The following SYNPR variants were observed in gnomAD, a reference collection of about 807,000 sequenced individuals.
The protein encoded by SYNPR is synaptoporin.
Under a neutral mutation model 32.9 loss-of-function variants are expected in SYNPR, and 23 were observed. That is an observed-to-expected ratio of 0.70 (90% CI 0.50 to 0.99). The LOEUF (loss-of-function observed/expected upper bound fraction) is 0.99. Ranked by LOEUF, SYNPR falls within the 50% of genes least tolerant of loss-of-function variation. The pLI is 0.00. For synonymous variants in SYNPR, 146 were observed against 135.9 expected (o/e 1.07, Z -0.52); for missense variants, 318 against 349.3 (o/e 0.91, Z 0.71).
chr3:63,219,299 A>G, the SYNPR span, among the ~76,000 whole-genome samples: 1 of 152,298 alleles, frequency 6.6e-6, no homozygotes, highest in South Asian at 2.1e-4. Context: ...CGTCCAAGAA[A>G]CGGAAAGTTG....
chr3:63,531,648 A>G (rs989008323), intron 3 of SYNPR, among the ~76,000 whole-genome samples: 1 of 152,168 alleles, frequency 6.6e-6, no homozygotes, highest in African/African-American at 2.4e-5. Context: ...TCAGTCCGCA[A>G]CAGCCAATAT....
At chr3:63,538,208 A>G (rs1702241643) in intron 3 of SYNPR, among the ~76,000 whole-genome samples, 1 of 152,112 alleles carries the variant, frequency 6.6e-6, no homozygotes, top group Non-Finnish European at 1.5e-5. Context: ...GCATCCTACT[A>G]GAGATAAGAA....
intron 2 of SYNPR, among the ~76,000 whole-genome samples, chr3:63,257,467 TA>T (rs1297898860): frequency 3.9e-5 from 6 of 152,186 alleles, no homozygotes; most frequent in Non-Finnish European, 8.8e-5. Flanking sequence ...CCAGCCAAAC[TA>T]AACTTCATAA....
chr3:63,442,719 G>A (rs563600939), intron 2 of SYNPR, among the ~76,000 whole-genome samples: 1 of 152,252 alleles, frequency 6.6e-6, no homozygotes, highest in East Asian at 1.9e-4. Context: ...CAACCAAGTT[G>A]TAATCTGTCC....
intron 2 of SYNPR, among the ~76,000 whole-genome samples, chr3:63,334,299 C>T (rs1235321027): frequency 6.6e-5 from 10 of 152,108 alleles, no homozygotes. Flanking sequence ...GAAGGTCAAC[C>T]TTGGTGGCTT....
intron 2 of SYNPR, among the ~76,000 whole-genome samples, chr3:63,435,879 C>G (rs1479533540): frequency 5.3e-5 from 8 of 152,172 alleles, no homozygotes; most frequent in Non-Finnish European, 1.0e-4. Context: ...TATGTATTCA[C>G]TCATGTAACA....
chr3:63,329,230 T>C (rs1041441558), intron 2 of SYNPR, among the ~76,000 whole-genome samples: 15 of 152,224 alleles, frequency 9.9e-5, no homozygotes, highest in Admixed American at 7.9e-4. Flanking sequence ...GAGTTTATTA[T>C]GTATCAGTCA....
chr3:63,557,924 A>G (rs865972290), intron 4 of SYNPR, among the ~76,000 whole-genome samples: 3 of 152,352 alleles, frequency 2.0e-5, no homozygotes, highest in Middle Eastern at 3.4e-3. Flanking sequence ...ACTCATGTTG[A>G]AAGTTGGTCT....
intron 4 of SYNPR, among the ~76,000 whole-genome samples, chr3:63,568,933 C>A (rs1702839605): frequency 6.6e-6 from 1 of 152,122 alleles, no homozygotes; most frequent in Admixed American, 6.6e-5. Flanking sequence ...TTATAAGCAC[C>A]TATGCATCAA....
At chr3:63,225,860 A>T (rs1227992766), upstream of SYNPR, among the ~76,000 whole-genome samples, 1 of 152,182 alleles carries the variant, frequency 6.6e-6, no homozygotes, top group Non-Finnish European at 1.5e-5. Flanking sequence ...TGACAGAGTG[A>T]AGAGACAACT....
chr3:63,280,725 GGT>G (rs144039056), intron 2 of SYNPR, among the ~76,000 whole-genome samples: 10,707 of 149,844 alleles, frequency 0.071, 398 homozygotes, highest in Middle Eastern at 0.1. Flanking sequence ...TTGGGGGAGG[GGT>G]GTGTGTGTGT....
At chr3:63,386,603 A>ACTTACTTC (rs1553875005) in intron 2 of SYNPR, among the ~76,000 whole-genome samples, 3 of 149,986 alleles carry the variant, frequency 2.0e-5, no homozygotes, top group African/African-American at 7.5e-5. Flanking sequence ...GATTATATTT[A>ACTTACTTC]CTTCCTTCCT....
intron 3 of SYNPR, among the ~76,000 whole-genome samples, chr3:63,517,800 C>T (rs1477436489): frequency 6.6e-6 from 1 of 152,172 alleles, no homozygotes; most frequent in Non-Finnish European, 1.5e-5. Context: ...CAACTCAGGG[C>T]TCCAGTTTAG....
chr3:63,476,155 G>GGAAAGA (rs1559510443), intron 2 of SYNPR, among the ~76,000 whole-genome samples: 1 of 34,120 alleles, frequency 2.9e-5, no homozygotes, highest in African/African-American at 1.2e-4. Context: ...GGAAGGGAGG[G>GGAAAGA]AGGGAGGGAG....
chr3:63,269,759 T>G (rs906447030), intron 3 of SYNPR, among the ~76,000 whole-genome samples: 1 of 152,236 alleles, frequency 6.6e-6, no homozygotes, highest in Non-Finnish European at 1.5e-5. Flanking sequence ...AAACTGAGTT[T>G]GTTGCATTCT....
At chr3:63,508,056 T>C (rs1234010964) in intron 3 of SYNPR, among the ~76,000 whole-genome samples, 1 of 152,146 alleles carries the variant, frequency 6.6e-6, no homozygotes, top group African/African-American at 2.4e-5. Flanking sequence ...TCGTCAACAT[T>C]CTTTTGTACT....
intron 1 of SYNPR, among the ~76,000 whole-genome samples, chr3:63,235,704 T>C (rs950031134): frequency 2.6e-5 from 4 of 152,174 alleles, no homozygotes; most frequent in Non-Finnish European, 5.9e-5. Flanking sequence ...TAGCGACCAC[T>C]TATTTGGTCT....
At chr3:63,560,969 T>A (rs1702678761) in intron 4 of SYNPR, among the ~76,000 whole-genome samples, 1 of 152,208 alleles carries the variant, frequency 6.6e-6, no homozygotes, top group Non-Finnish European at 1.5e-5. Flanking sequence ...TTTTTTGTCA[T>A]TATTTTGTTT....
At chr3:63,359,431 C>T (rs1213789751) in intron 2 of SYNPR, among the ~76,000 whole-genome samples, 1 of 152,194 alleles carries the variant, frequency 6.6e-6, no homozygotes, top group East Asian at 1.9e-4. Context: ...GCAACAAAGG[C>T]TCAGTGTAAA....
Sources: allele counts gnomAD v4.1 joint callset (sites outside exome capture counted in the v4.1 genomes callset), GRCh38; gene constraint gnomAD v4.1.1; transcripts MANE v1.5; gene names NCBI Gene and HGNC (gene_info 2026-07-23, HGNC 2026-07-21).